The following FGF14 variants were observed in gnomAD, a reference collection of about 807,000 sequenced individuals.
The protein encoded by FGF14 is fibroblast growth factor homologous factor 4.
A neutral mutation model predicts 25.5 loss-of-function variants in FGF14; 5 were observed. The ratio of observed to expected loss-of-function variants is 0.20; its 90% CI spans 0.10 to 0.41. FGF14 has a LOEUF of 0.41. FGF14 is among the 10% of genes least tolerant of loss of function. The probability of loss-of-function intolerance (pLI) is 1.00; values close to 1 mark genes in which losing one functional copy is unlikely to be tolerated. For synonymous variants in FGF14, 138 were observed against 118.3 expected, an observed-to-expected ratio of 1.17 and a Z score of -1.08; for missense variants, 222 against 320.1, an observed-to-expected ratio of 0.69 and a Z score of 2.34.
chr13:101,788,930 A>G (rs2040056145), intron 3 of FGF14, among the ~76,000 whole-genome samples: 1 of 51,826 alleles, frequency 1.9e-5, no homozygotes, highest in African/African-American at 4.9e-5. Context: ...AGAGAGAGAG[A>G]GAGAGAGAGA....
intron 3 of FGF14, among the ~76,000 whole-genome samples, chr13:101,790,409 C>CTTTTTTTTTTTT (rs3064706): frequency 7.0e-6 from 1 of 143,156 alleles, no homozygotes; most frequent in African/African-American, 2.6e-5. Flanking sequence ...TATTCATTTT[C>CTTTTTTTTTTTT]TTTTTTTTTT....
intron 3 of FGF14, among the ~76,000 whole-genome samples, chr13:101,806,135 A>G (rs1289316071): frequency 6.6e-6 from 1 of 152,018 alleles, no homozygotes; most frequent in Non-Finnish European, 1.5e-5. Context: ...ATTAATGAAA[A>G]ATATGGCCGG....
intron 1 of FGF14, among the ~76,000 whole-genome samples, chr13:102,000,134 T>C (rs560505179): frequency 2.0e-5 from 3 of 151,872 alleles, no homozygotes; most frequent in Non-Finnish European, 1.5e-5. Flanking sequence ...GCTAACACGG[T>C]AAAACCCCGT....
In FGF14 at chr13:102,139,394, T is replaced by C. The variant is rs73583520; in HGVS notation, c.208+262077A>G. ...CAGCCTGGGTGGTAGAGTGAGACCC[T>C]ATCTCAAGAAAGAAAAAAAAAATAG... is the stretch of plus-strand genomic sequence containing the variant. On this transcript the variant is annotated intron_variant, in intron 1 of 4. Coordinates refer to the FGF14 transcript ENST00000376131. Among the ~76,000 whole-genome samples the C allele has an allele frequency of 5.1e-3, 774 of 151,584 alleles. 8 individuals carry two copies. Among genetic ancestry groups the C allele is most frequent in the African/African-American group, 0.018 (726 of 41,270 alleles).
chr13:102,112,311 G>A (rs1031540109), intron 1 of FGF14, among the ~76,000 whole-genome samples: 2 of 152,136 alleles, frequency 1.3e-5, no homozygotes, highest in Admixed American at 1.3e-4. Flanking sequence ...ATGAATCTAC[G>A]CAGGTGGGGC....
intron 1 of FGF14, among the ~76,000 whole-genome samples, chr13:102,251,650 C>CT (rs2052179431): frequency 6.6e-6 from 1 of 152,130 alleles, no homozygotes; most frequent in Non-Finnish European, 1.5e-5. Context: ...TCTCTACTAG[C>CT]TATGCTCTGC....
At chr13:101,877,033 C>A (rs1220314153) in intron 1 of FGF14, among the ~76,000 whole-genome samples, 1 of 152,040 alleles carries the variant, frequency 6.6e-6, no homozygotes, top group African/African-American at 2.4e-5. Context: ...TACAATTTTT[C>A]TGTAAAACTT....
chr13:101,777,694 G>A (rs2039214067), intron 3 of FGF14, among the ~76,000 whole-genome samples: 1 of 152,188 alleles, frequency 6.6e-6, no homozygotes, highest in African/African-American at 2.4e-5. Context: ...AGGTTAGAGA[G>A]AGATTTTAAA....
At chr13:101,775,849 T>C (rs959493849) in intron 3 of FGF14, among the ~76,000 whole-genome samples, 2 of 152,198 alleles carry the variant, frequency 1.3e-5, no homozygotes, top group African/African-American at 4.8e-5. Context: ...AAATAATTCA[T>C]TGCTATCAAT....
At chr13:101,945,840 A>T (rs2476215) in intron 1 of FGF14, among the ~76,000 whole-genome samples, 7,751 of 152,202 alleles carry the variant, frequency 0.051, 658 homozygotes, top group African/African-American at 0.18. Flanking sequence ...ACGGAGCATT[A>T]TGGCACTGTT....
rs1432498229 is a variant in FGF14 at position 101,720,525 on chromosome 13, T to A, written c.*2306A>T. 5 of 131,510 alleles carry A rather than the reference T, an allele frequency of 3.8e-5. No homozygotes were observed. The highest frequency in any genetic ancestry group is 1.5e-4 in the African/African-American group (5 of 34,408). The allele number at this position is 131,510 out of a possible 1,614,324, so 8.1% of individuals were successfully genotyped here. On this transcript the variant is annotated 3_prime_UTR_variant, in exon 5 of 5. Transcript: ENST00000376143. ...ATCAGTAACAAATAGATGGGGGTGT[T>A]TGCTCTGTGTGTGTGTGTGTGTGTG...
intron 3 of FGF14, among the ~76,000 whole-genome samples, chr13:101,805,201 T>A (rs930360781): frequency 1.3e-5 from 2 of 152,124 alleles, no homozygotes; most frequent in Admixed American, 1.3e-4. Flanking sequence ...AACACTCAGC[T>A]ACAGTAAGTA....
intron 3 of FGF14, among the ~76,000 whole-genome samples, chr13:101,768,806 T>A (rs141063580): frequency 6.6e-6 from 1 of 152,280 alleles, no homozygotes; most frequent in Non-Finnish European, 1.5e-5. Context: ...ACGTCCTTCA[T>A]AACATTAACT....
chr13:101,813,387 C>T (rs1007142006), intron 3 of FGF14, among the ~76,000 whole-genome samples: 4 of 152,096 alleles, frequency 2.6e-5, no homozygotes, highest in Non-Finnish European at 5.9e-5. Context: ...AGGGCTTGAG[C>T]GGGTGGGTTG....
chr13:102,351,280 T>C (rs2057271113), intron 1 of FGF14, among the ~76,000 whole-genome samples: 1 of 151,908 alleles, frequency 6.6e-6, no homozygotes, highest in Admixed American at 6.6e-5. Context: ...GGAACCTAAA[T>C]CATAACAGAA....
intron 1 of FGF14, among the ~76,000 whole-genome samples, chr13:101,927,626 G>A (rs2034453777): frequency 6.6e-6 from 1 of 152,178 alleles, no homozygotes; most frequent in Non-Finnish European, 1.5e-5. Flanking sequence ...CTAATTCCCA[G>A]CTCTTTGTCA....
intron 1 of FGF14, among the ~76,000 whole-genome samples, chr13:102,383,322 T>C (rs2058229302): frequency 6.6e-6 from 1 of 152,190 alleles, no homozygotes; most frequent in South Asian, 2.1e-4. Context: ...TAGACAAATA[T>C]GTTTATTTGT....
intron 1 of FGF14, among the ~76,000 whole-genome samples, chr13:102,275,262 T>TTCTCTCTCTCTCTCTCTCTCTCTCTC (rs56028235): frequency 2.5e-4 from 17 of 68,984 alleles, no homozygotes; most frequent in African/African-American, 8.0e-4. Context: ...CTCTCTCTCT[T>TTCTCTCTCTCTCTCTCTCTCTCTCTC]TCTCTCTCTC....
chr13:102,306,571 G>A (rs1266871673), intron 1 of FGF14, among the ~76,000 whole-genome samples: 4 of 152,128 alleles, frequency 2.6e-5, no homozygotes, highest in Admixed American at 6.6e-5. Flanking sequence ...CTTTGACAAG[G>A]TAAGAGGGGA....
Sources: gnomAD v4.1 joint callset for allele counts (sites outside exome capture counted in the v4.1 genomes callset) on GRCh38, gnomAD v4.1.1 for gene constraint, MANE v1.5 for transcripts, NCBI Gene and HGNC (gene_info 2026-07-23, HGNC 2026-07-21) for gene names.